ZNF385D: variants seen among roughly 807,000 people sequenced by gnomAD.
ZNF385D encodes zinc finger protein 659.
In ZNF385D, 15 loss-of-function variants were observed where a neutral mutation model predicts 35.8. The observed-to-expected ratio is 0.42, with a 90% CI of 0.28 to 0.64. ZNF385D has a LOEUF of 0.64. ZNF385D is among the 30% of genes least tolerant of loss of function. ZNF385D has a pLI of 0.23. For synonymous variants in ZNF385D, 212 were observed against 186.8 expected (o/e 1.13, Z -1.10); for missense variants, 474 against 494.6 (o/e 0.96, Z 0.39).
intron 2 of ZNF385D, among the ~76,000 whole-genome samples, chr3:22,320,674 T>A (rs752738572): frequency 6.0e-4 from 90 of 151,100 alleles, no homozygotes; most frequent in Non-Finnish European, 1.2e-3. Flanking sequence ...TTTAATAGAT[T>A]AAAACTACAA....
chr3:21,664,734 C>T, intron 2 of ZNF385D, 152 bp downstream of exon 2: 1 of 1,063,078 alleles, frequency 9.4e-7, no homozygotes, highest in Non-Finnish European at 1.3e-6. Context: ...TTTTGCCTAA[C>T]CAAGCAAACA....
intron 3 of ZNF385D, among the ~76,000 whole-genome samples, chr3:22,037,643 T>C (rs2125497033): frequency 6.6e-6 from 1 of 152,316 alleles, no homozygotes; most frequent in East Asian, 1.9e-4. Context: ...AAAAATTTTC[T>C]CCCATTCTGT....
chr3:21,476,330 G>A (rs1474203090), intron 4 of ZNF385D, among the ~76,000 whole-genome samples: 1 of 152,012 alleles, frequency 6.6e-6, no homozygotes, highest in Admixed American at 6.6e-5. Context: ...TAATCATAAA[G>A]GGGATAATTC....
At chr3:21,633,809 T>C (rs374240248) in intron 2 of ZNF385D, among the ~76,000 whole-genome samples, 11 of 152,272 alleles carry the variant, frequency 7.2e-5, no homozygotes, top group Non-Finnish European at 1.3e-4. Flanking sequence ...TACATTGCTT[T>C]ATTTATAACG....
intron 3 of ZNF385D, chr3:21,979,766 G>T (rs1341439693): frequency 6.6e-6 from 1 of 152,240 alleles, no homozygotes; most frequent in South Asian, 2.1e-4. Context: ...AGTAGAGAAA[G>T]AAAGCACCAG....
intron 3 of ZNF385D, among the ~76,000 whole-genome samples, chr3:21,965,986 A>C (rs1702891513): frequency 6.6e-6 from 1 of 152,222 alleles, no homozygotes; most frequent in African/African-American, 2.4e-5. Flanking sequence ...TTGAAATTAT[A>C]GAAAATGAAA....
intron 2 of ZNF385D, among the ~76,000 whole-genome samples, chr3:22,325,406 A>G (rs950934732): frequency 5.3e-5 from 8 of 152,194 alleles, no homozygotes; most frequent in Non-Finnish European, 7.3e-5. Context: ...ATTATTTTCT[A>G]AATAGACAAA....
intron 3 of ZNF385D, among the ~76,000 whole-genome samples, chr3:21,917,156 G>A (rs560190549): frequency 6.6e-6 from 1 of 152,310 alleles, no homozygotes; most frequent in Admixed American, 6.5e-5. Flanking sequence ...GTCTGGCCTG[G>A]TGCGGTGGCT....
intron 2 of ZNF385D, among the ~76,000 whole-genome samples, chr3:22,317,980 G>C (rs1703992137): frequency 6.6e-6 from 1 of 151,836 alleles, no homozygotes; most frequent in Admixed American, 6.6e-5. Flanking sequence ...GATCACATGA[G>C]CTCAGGAGGC....
intron 2 of ZNF385D, among the ~76,000 whole-genome samples, chr3:22,345,140 CAAT>C (rs1428222292): frequency 6.6e-6 from 1 of 152,084 alleles, no homozygotes; most frequent in Non-Finnish European, 1.5e-5. Flanking sequence ...ACTATAATAA[CAAT>C]AATAATGCAA....
intron 3 of ZNF385D, among the ~76,000 whole-genome samples, chr3:22,107,029 T>TTTTTG (rs1042668620): frequency 6.8e-6 from 1 of 146,536 alleles, no homozygotes; most frequent in Non-Finnish European, 1.5e-5. Context: ...AATGAGAGTT[T>TTTTTG]TTTTTTTTTT....
chr3:22,231,409 C>T (rs960700135), intron 2 of ZNF385D, among the ~76,000 whole-genome samples: 1 of 152,134 alleles, frequency 6.6e-6, no homozygotes, highest in Admixed American at 6.5e-5. Context: ...CCTTCTTCCA[C>T]CAGCCCCAAG....
At chr3:22,189,473 A>G (rs898613242) in intron 2 of ZNF385D, among the ~76,000 whole-genome samples, 1 of 152,206 alleles carries the variant, frequency 6.6e-6, no homozygotes, top group Non-Finnish European at 1.5e-5. Flanking sequence ...GACAATTCAT[A>G]GTATTCAAAC....
intron 3 of ZNF385D, among the ~76,000 whole-genome samples, chr3:22,138,265 C>A (rs1019356999): frequency 1.4e-4 from 21 of 152,094 alleles, no homozygotes; most frequent in African/African-American, 5.1e-4. Flanking sequence ...AGATTCAATG[C>A]CATCCCCATC....
At chr3:22,120,109 T>C (rs1328417152) in intron 3 of ZNF385D, among the ~76,000 whole-genome samples, 4 of 151,700 alleles carry the variant, frequency 2.6e-5, no homozygotes, top group African/African-American at 9.7e-5. Flanking sequence ...GGATTACAGG[T>C]GTGATTCACC....
chr3:22,016,892 T>C (rs259430), intron 3 of ZNF385D, among the ~76,000 whole-genome samples: 77,981 of 151,054 alleles, frequency 0.52, 20,711 homozygotes, highest in East Asian at 0.82. Context: ...TTTATTGAAT[T>C]TATCTATCAA....
chr3:21,997,230 G>C (rs1695520952), intron 3 of ZNF385D, among the ~76,000 whole-genome samples: 1 of 152,040 alleles, frequency 6.6e-6, no homozygotes, highest in Non-Finnish European at 1.5e-5. Flanking sequence ...CCATCATTCT[G>C]AGCAAACTAT....
At chr3:22,048,925 C>G (rs2695635) in intron 3 of ZNF385D, among the ~76,000 whole-genome samples, 90,156 of 151,936 alleles carry the variant, frequency 0.59, 26,854 homozygotes, top group East Asian at 0.76. Flanking sequence ...TTCTTTCATT[C>G]ATGTTTTATA....
chr3:21,560,110 T>C (rs768424402), intron 3 of ZNF385D, among the ~76,000 whole-genome samples: 3 of 152,204 alleles, frequency 2.0e-5, no homozygotes, highest in Non-Finnish European at 4.4e-5. Context: ...AACATGTTTC[T>C]TTGGCTCAGA....
Sources: allele counts gnomAD v4.1 joint callset (sites outside exome capture counted in the v4.1 genomes callset), GRCh38; gene constraint gnomAD v4.1.1; transcripts MANE v1.5; gene names NCBI Gene and HGNC (gene_info 2026-07-23, HGNC 2026-07-21).